Variants in NEO1 observed in about 807,000 individuals in gnomAD.
The protein encoded by NEO1 is neogenin.
A neutral mutation model predicts 159.7 loss-of-function variants in NEO1; 63 were observed. That is an observed-to-expected ratio of 0.39 (90% confidence interval 0.32 to 0.49). The LOEUF is 0.49. NEO1 is among the 20% of genes least tolerant of loss of function. NEO1 has a pLI of 0.85. For missense variants in NEO1, 1,615 were observed against 1,831.0 expected (o/e 0.88, Z 2.15); for synonymous variants, 633 against 662.0 (o/e 0.96, Z 0.67).
chr15:73,131,832 A>G (rs1435299452), intron 4 of NEO1, among the ~76,000 whole-genome samples: 1 of 152,042 alleles, frequency 6.6e-6, no homozygotes, highest in Non-Finnish European at 1.5e-5. Context: ...ATCCTCCTCT[A>G]TTTTCTTACA....
intron 1 of NEO1, among the ~76,000 whole-genome samples, chr15:73,066,061 T>G (rs2068201300): frequency 6.7e-6 from 1 of 149,688 alleles, no homozygotes; most frequent in African/African-American, 2.4e-5. Flanking sequence ...AGACGGAGTC[T>G]TGCTCTGTCA....
At chr15:73,128,839 T>G (rs2030697853) in intron 4 of NEO1, among the ~76,000 whole-genome samples, 1 of 152,194 alleles carries the variant, frequency 6.6e-6, no homozygotes, top group African/African-American at 2.4e-5. Flanking sequence ...AACATCCAAT[T>G]TTATTCAAAG....
chr15:73,085,595 G>GT, intron 1 of NEO1, among the ~76,000 whole-genome samples: 1 of 152,282 alleles, frequency 6.6e-6, no homozygotes, highest in South Asian at 2.1e-4. Flanking sequence ...CACCAACAGT[G>GT]TATGGGAGTT....
chr15:73,206,212 A>C (rs2037215366), intron 7 of NEO1, among the ~76,000 whole-genome samples: 1 of 151,932 alleles, frequency 6.6e-6, no homozygotes. Context: ...TGGCCTGTAA[A>C]CTTTTTTTTA....
chr15:73,106,421 A>C (rs2070697135), intron 1 of NEO1, among the ~76,000 whole-genome samples: 1 of 152,212 alleles, frequency 6.6e-6, no homozygotes. Flanking sequence ...ATTTACATGA[A>C]TATATCCAAA....
chr15:73,244,389 C>A lies in NEO1; in HGVS notation c.1497C>A (p.Thr499=). The A allele has an allele frequency of 6.2e-7, 1 of 1,613,872 alleles. No homozygotes were observed. Among genetic ancestry groups the A allele is most frequent in the Non-Finnish European group, 8.5e-7 (1 of 1,179,866 alleles). The change falls in exon 9 of 29, where the codon ACC becomes ACA. Residue 499 remains threonine (T), a synonymous_variant. Coordinates refer to ENST00000261908, the MANE Select transcript of NEO1 (RefSeq NM_002499.4). ...NTSHPGEMQV[T]IQNLMPATVY... is the part of the protein sequence containing the mutation. ...GTCACCCAGGAGAGATGCAAGTAAC[C>A]ATTCAAAACCTAATGCCAGCGACCG...
intron 3 of NEO1, among the ~76,000 whole-genome samples, chr15:73,124,297 A>G (rs1455637347): frequency 1.3e-5 from 2 of 152,050 alleles, no homozygotes; most frequent in Non-Finnish European, 1.5e-5. Context: ...TCCTGGGCTC[A>G]AGTGATTCTC....
At chr15:73,056,777 C>T (rs1343959795) in intron 1 of NEO1, among the ~76,000 whole-genome samples, 1 of 152,104 alleles carries the variant, frequency 6.6e-6, no homozygotes. Flanking sequence ...GGTCATCCTC[C>T]TGGATATGCT....
At chr15:73,275,623 C>G (rs1213523078) in intron 21 of NEO1, among the ~76,000 whole-genome samples, 1 of 151,982 alleles carries the variant, frequency 6.6e-6, no homozygotes, top group East Asian at 1.9e-4. Flanking sequence ...CCACTGCACT[C>G]CTGCCTAGGT....
chr15:73,137,793 A>T (rs1041240133), intron 5 of NEO1, among the ~76,000 whole-genome samples: 11 of 152,186 alleles, frequency 7.2e-5, no homozygotes, highest in Non-Finnish European at 1.5e-4. Context: ...CACTGTGCCT[A>T]GCCAGAGAAA....
chr15:73,078,078 T>G (rs189651659), intron 1 of NEO1, among the ~76,000 whole-genome samples: 2 of 152,228 alleles, frequency 1.3e-5, no homozygotes, highest in East Asian at 3.9e-4. Context: ...GGTGGTGATG[T>G]GAAGTGGCAC....
Position 73,197,837 on chromosome 15 carries a change from T to C in NEO1, c.1291+19410T>C, listed in dbSNP as rs144120985. ...CTAGGATTACAGGCACCCACTACCA[T>C]GCCTGGCTAATTTTTGTATTTTTAG... On this transcript the variant is annotated intron_variant, in intron 7 of 28. Transcript: ENST00000261908. Among the ~76,000 whole-genome samples, 535 of 151,932 alleles carry C rather than the reference T, an allele frequency of 3.5e-3. 4 individuals carry two copies. The highest frequency in any genetic ancestry group is 0.012 in the African/African-American group (503 of 41,458).
intron 1 of NEO1, among the ~76,000 whole-genome samples, 157 bp downstream of exon 1, chr15:73,052,962 G>C (rs919927790): frequency 6.6e-6 from 1 of 151,904 alleles, no homozygotes; most frequent in African/African-American, 2.4e-5. Context: ...GCGCGTGGTG[G>C]GGAGGAGAAG....
At chr15:73,141,111 A>C (rs2151778970) in intron 5 of NEO1, among the ~76,000 whole-genome samples, 1 of 152,346 alleles carries the variant, frequency 6.6e-6, no homozygotes, top group South Asian at 2.1e-4. Flanking sequence ...ATAACTCATA[A>C]TGTGCAAAAA....
intron 1 of NEO1, among the ~76,000 whole-genome samples, chr15:73,055,818 T>C (rs1031165152): frequency 6.6e-6 from 1 of 152,230 alleles, no homozygotes; most frequent in African/African-American, 2.4e-5. Context: ...TCATCACTGT[T>C]CATCCACTTG....
At chr15:73,168,644 A>C (rs558799608) in intron 5 of NEO1, among the ~76,000 whole-genome samples, 4 of 152,246 alleles carry the variant, frequency 2.6e-5, no homozygotes, top group Admixed American at 2.0e-4. Flanking sequence ...ACATTGTTAT[A>C]ATATTACTTC....
At position 73,085,939 on chromosome 15, in the gene NEO1, A is replaced by C. The variant is rs761866478; in HGVS notation, c.131-30601A>C. Among the ~76,000 whole-genome samples the C allele has an allele frequency of 1.3e-5, 2 of 152,150 alleles. 1 individual carries two copies. Among genetic ancestry groups the C allele is most frequent in the Admixed American group, 1.3e-4 (2 of 15,278 alleles). On this transcript the variant is annotated intron_variant, in intron 1 of 28. Coordinates refer to ENST00000261908, the MANE Select transcript of NEO1 (RefSeq NM_002499.4). ...ATGTCTTTCACAGCAAAAGTTTGAAATTTAGTGAGGTTCGACTTGCCAGTT... is the reference window on the plus strand; with the variant it reads ...ATGTCTTTCACAGCAAAAGTTTGAACTTTAGTGAGGTTCGACTTGCCAGTT...
At chr15:73,253,353 T>C (rs779638734) in intron 11 of NEO1, 47 bp from the exon 12 acceptor site, 6 of 1,172,352 alleles carry the variant, frequency 5.1e-6, no homozygotes, top group East Asian at 4.8e-5. Context: ...ATGGGTGATG[T>C]ATGGGTGATT....
intron 22 of NEO1, among the ~76,000 whole-genome samples, chr15:73,281,001 C>T (rs1310975870): frequency 6.6e-6 from 1 of 151,394 alleles, no homozygotes; most frequent in South Asian, 2.1e-4. Context: ...GTCAGGAGAT[C>T]GAGACCATCC....
Sources: gnomAD v4.1 joint callset for allele counts (sites outside exome capture counted in the v4.1 genomes callset) on GRCh38, gnomAD v4.1.1 for gene constraint, MANE v1.5 for transcripts, NCBI Gene and HGNC (gene_info 2026-07-23, HGNC 2026-07-21) for gene names.